The following NDUFA5 variants were observed in gnomAD, a reference collection of about 807,000 sequenced individuals.
NDUFA5 encodes the protein NADH dehydrogenase [ubiquinone] 1 alpha subcomplex subunit 5.
Under a neutral mutation model 19.8 loss-of-function variants are expected in NDUFA5, and 11 were observed. The observed-to-expected ratio is 0.56, with a 90% CI of 0.35 to 0.92. NDUFA5 has a LOEUF of 0.92. NDUFA5 is among the 40% of genes least tolerant of loss of function. The pLI is 0.01. For missense variants in NDUFA5, 109 were observed against 134.2 expected (o/e 0.81, Z 0.93); for synonymous variants, 47 against 46.8 (o/e 1.00, Z -0.01).
the NDUFA5 span, among the ~76,000 whole-genome samples, chr7:123,574,312 A>T: frequency 6.6e-6 from 1 of 151,820 alleles, no homozygotes. Context: ...TGTTTAGCCC[A>T]GGACAATCTT....
rs541401547 is a variant in NDUFA5, at chr7:123,549,497, C to T, written c.183+973G>A. On this transcript the variant is annotated intron_variant, in intron 3 of 4. Coordinates refer to ENST00000355749, the MANE Select transcript of NDUFA5 (RefSeq NM_005000.5). Reference sequence around the variant, plus strand: ...GATGATGATAAAATAGGTGAGGCACCGGGTGCAGGTAGCTCATGCCTGTGA... The same window carrying T: ...GATGATGATAAAATAGGTGAGGCACTGGGTGCAGGTAGCTCATGCCTGTGA... Among the ~76,000 whole-genome samples the T allele has an allele frequency of 1.2e-4, 19 of 152,196 alleles. No homozygotes were observed. The South Asian group carries it at 3.7e-3, about 30-fold the overall frequency.
At chr7:123,544,415 T>C (rs1156622579) in intron 4 of NDUFA5, among the ~76,000 whole-genome samples, 1 of 151,188 alleles carries the variant, frequency 6.6e-6, no homozygotes, top group African/African-American at 2.4e-5. Flanking sequence ...GGAGAATTGC[T>C]TGAACCCGGG....
intron 4 of NDUFA5, among the ~76,000 whole-genome samples, chr7:123,545,407 G>C (rs540206112): frequency 6.6e-6 from 1 of 152,198 alleles, no homozygotes; most frequent in East Asian, 1.9e-4. Context: ...GCTTCTAACA[G>C]AAGTCTCATA....
chr7:123,601,274 A>AT, the NDUFA5 span, among the ~76,000 whole-genome samples: 1 of 152,152 alleles, frequency 6.6e-6, no homozygotes, highest in Non-Finnish European at 1.5e-5. Flanking sequence ...TTTGCTACTC[A>AT]TTTTTTTAGA....
the NDUFA5 span, among the ~76,000 whole-genome samples, chr7:123,601,004 T>G: frequency 1.3e-5 from 2 of 152,134 alleles, no homozygotes; most frequent in African/African-American, 2.4e-5. Flanking sequence ...GAAATGAGTT[T>G]CTAATGTAAG....
At chr7:123,577,284 TGTTATTTTG>T in the NDUFA5 span, among the ~76,000 whole-genome samples, 1 of 152,174 alleles carries the variant, frequency 6.6e-6, no homozygotes, top group African/African-American at 2.4e-5. Flanking sequence ...TTGTGCTATG[TGTTATTTTG>T]GTGAATGTTA....
chr7:123,572,700 CTA>C, the NDUFA5 span, among the ~76,000 whole-genome samples: 2,373 of 149,982 alleles, frequency 0.016, 20 homozygotes, highest in South Asian at 0.033. Context: ...TATATTCACT[CTA>C]TCTCTTTTTT....
intron 3 of NDUFA5, 63 bp from the exon 4 acceptor site, chr7:123,545,739 A>G: frequency 1.9e-6 from 2 of 1,041,392 alleles, no homozygotes; most frequent in Non-Finnish European, 2.8e-6. Context: ...AATATCCTAT[A>G]TATTTTAAAA....
chr7:123,557,875 C>A, upstream of NDUFA5: 1 of 1,610,848 alleles, frequency 6.2e-7, no homozygotes, highest in Non-Finnish European at 8.5e-7. Flanking sequence ...GAGGTCGCCA[C>A]TCTGTCACCC....
At chr7:123,552,636 TAAAAAAA>T (rs774901648) in intron 2 of NDUFA5, among the ~76,000 whole-genome samples, 8 of 67,400 alleles carry the variant, frequency 1.2e-4, no homozygotes, top group Admixed American at 3.4e-4. Context: ...AAAGTATAAC[TAAAAAAA>T]AAAAAAAAAA....
At chr7:123,595,758 T>G in the NDUFA5 span, among the ~76,000 whole-genome samples, 1 of 152,200 alleles carries the variant, frequency 6.6e-6, no homozygotes, top group African/African-American at 2.4e-5. Flanking sequence ...GTAAATGCTC[T>G]TTAGCTAGTG....
At chr7:123,574,198 C>CT in the NDUFA5 span, among the ~76,000 whole-genome samples, 3 of 149,704 alleles carry the variant, frequency 2.0e-5, no homozygotes, top group Non-Finnish European at 4.5e-5. Flanking sequence ...GTTCCATCTC[C>CT]TTTTTTTTTC....
chr7:123,552,636 T>TAAAAAAAAAAAAAAA (rs774901648), intron 2 of NDUFA5, among the ~76,000 whole-genome samples: 3 of 67,384 alleles, frequency 4.5e-5, no homozygotes, highest in African/African-American at 1.6e-4. Context: ...AAAGTATAAC[T>TAAAAAAAAAAAAAAA]AAAAAAAAAA....
intron 2 of NDUFA5, among the ~76,000 whole-genome samples, chr7:123,553,966 T>C (rs1466575874): frequency 6.6e-6 from 1 of 152,194 alleles, no homozygotes; most frequent in Non-Finnish European, 1.5e-5. Flanking sequence ...TTAAATGATA[T>C]TGGAAAAGGC....
the NDUFA5 span, among the ~76,000 whole-genome samples, chr7:123,598,406 G>A: frequency 6.6e-6 from 1 of 152,016 alleles, no homozygotes; most frequent in Admixed American, 6.6e-5. Flanking sequence ...CTTAGACTAA[G>A]ATACATATTC....
chr7:123,567,941 T>C, the NDUFA5 span, among the ~76,000 whole-genome samples: 2 of 152,296 alleles, frequency 1.3e-5, no homozygotes, highest in African/African-American at 4.8e-5. Context: ...TCAAAATGAT[T>C]TGGATTTTTA....
At chr7:123,563,501 C>T in the NDUFA5 span, among the ~76,000 whole-genome samples, 4 of 152,036 alleles carry the variant, frequency 2.6e-5, no homozygotes, top group Admixed American at 6.6e-5. Context: ...CACTTAATAA[C>T]ACTAACATCA....
chr7:123,542,270 A>C, intron 4 of NDUFA5, 50 bp from the exon 5 acceptor site: 1 of 1,357,150 alleles, frequency 7.4e-7, no homozygotes, highest in Non-Finnish European at 1.0e-6. Context: ...TCTTCAACAG[A>C]TATTTATCAG....
the NDUFA5 span, among the ~76,000 whole-genome samples, chr7:123,564,105 G>A: frequency 8.8e-4 from 134 of 152,272 alleles, no homozygotes; most frequent in African/African-American, 3.2e-3. Flanking sequence ...AAAAATAGGC[G>A]ATGCCTAGAA....
Sources: allele counts gnomAD v4.1 joint callset (sites outside exome capture counted in the v4.1 genomes callset), GRCh38; gene constraint gnomAD v4.1.1; transcripts MANE v1.5; gene names NCBI Gene and HGNC (gene_info 2026-07-23, HGNC 2026-07-21).